DENND6B: variants seen among roughly 807,000 people sequenced by gnomAD.
The protein encoded by DENND6B is protein DENND6B.
In DENND6B, 73 loss-of-function variants were observed where a neutral mutation model predicts 85.1. The ratio of observed to expected loss-of-function variants is 0.86; its 90% confidence interval spans 0.71 to 1.04. The LOEUF is 1.04. Ranked by LOEUF, DENND6B falls within the 50% of genes least tolerant of loss-of-function variation. The pLI, the probability that DENND6B is intolerant of heterozygous loss-of-function variation, is 0.00. For synonymous variants in DENND6B, 357 were observed against 329.3 expected (o/e 1.08, Z -0.91); for missense variants, 715 against 785.8 (o/e 0.91, Z 1.08).
intron 1 of DENND6B, among the ~76,000 whole-genome samples, chr22:50,323,721 C>CTTTTTTTTTTTTTT (rs146060526): frequency 9.6e-6 from 1 of 104,630 alleles, no homozygotes; most frequent in East Asian, 2.8e-4. Flanking sequence ...CACGCCTAGC[C>CTTTTTTTTTTTTTT]TTTTTTTTTT....
chr22:50,313,938 AG>A (rs1467773000), intron 13 of DENND6B, 60 bp from the exon 14 acceptor site: 17 of 1,525,880 alleles, frequency 1.1e-5, no homozygotes, highest in Non-Finnish European at 1.4e-5. Context: ...ACACTCCTGC[AG>A]CCCCACAGAG....
intron 13 of DENND6B, 34 bp from the exon 14 acceptor site, chr22:50,313,912 C>G (rs1308310129): frequency 1.3e-6 from 2 of 1,580,288 alleles, no homozygotes; most frequent in African/African-American, 1.3e-5. Flanking sequence ...CCCCACCCTT[C>G]AAGGGCCTCC....
At chr22:50,323,158 C>T (rs1324432143) in intron 1 of DENND6B, among the ~76,000 whole-genome samples, 2 of 149,986 alleles carry the variant, frequency 1.3e-5, no homozygotes, top group African/African-American at 2.5e-5. Context: ...TGAGCCACCA[C>T]GCCCGGCTTG....
chr22:50,316,729 A>ACGC, intron 5 of DENND6B: 3 of 1,421,278 alleles, frequency 2.1e-6, no homozygotes, highest in Non-Finnish European at 2.8e-6. Context: ...AGGGAAACGC[A>ACGC]CGGTGGCCAG....
intron 1 of DENND6B, chr22:50,319,588 CA>C: frequency 2.2e-6 from 2 of 914,884 alleles, no homozygotes; most frequent in Non-Finnish European, 2.6e-6. Flanking sequence ...TCTCCCTCAC[CA>C]CCCGCCAAGC....
In DENND6B at chr22:50,313,619, C is replaced by A; in HGVS notation, c.1293+16G>T. On this transcript the variant is annotated intron_variant, in intron 15 of 19. Coordinates refer to ENST00000413817, the MANE Select transcript of DENND6B (RefSeq NM_001001794.4). ...CCGTGCCCCCCAGTCCCATGTCCCC[C>A]AGCCCCGGGCCTCACCAGGGGGATG... 2 of 1,554,520 alleles carry A rather than the reference C, an allele frequency of 1.3e-6. No homozygotes were observed. Among genetic ancestry groups the A allele is most frequent in the Non-Finnish European group, 1.7e-6 (2 of 1,152,498 alleles).
chr22:50,313,859 C>A lies in DENND6B; in HGVS notation c.1158G>T (p.Thr386=). The change falls in exon 14 of 20, where the codon ACG becomes ACT. Residue 386 remains threonine, a synonymous_variant. Coordinates refer to ENST00000413817, the MANE Select transcript of DENND6B (RefSeq NM_001001794.4). The part of the protein sequence containing the change: ...DTKPGLYTAY[T]AHLHRDKALL... ...GCGCCTTGTCGCGGTGGAGGTGGGCCGTGTAAGCGGTGTAGAGGCCTGGCG... is the reference window on the plus strand; with the variant it reads ...GCGCCTTGTCGCGGTGGAGGTGGGCAGTGTAAGCGGTGTAGAGGCCTGGCG... 1 of 1,611,326 alleles carries A rather than the reference C, an allele frequency of 6.2e-7. No individual in the cohort carries two copies. The highest frequency in any genetic ancestry group is 8.5e-7 in the Non-Finnish European group (1 of 1,179,584).
rs2068126495 is a variant in DENND6B at position 50,313,620 on chromosome 22, A to C, written c.1293+15T>G. The stretch of plus-strand genomic sequence containing the variant: ...CGTGCCCCCCAGTCCCATGTCCCCC[A>C]GCCCCGGGCCTCACCAGGGGGATGA... On this transcript the variant is annotated intron_variant, in intron 15 of 19. Transcript: ENST00000413817. The C allele has an allele frequency of 8.1e-7, 1 of 1,237,276 alleles. No individual in the cohort carries two copies. 76.6% of individuals were successfully genotyped at this position (1,237,276 alleles called of 1,614,324 possible).
At chr22:50,313,949 G>A in intron 13 of DENND6B, 71 bp from the exon 14 acceptor site, 1 of 1,501,790 alleles carries the variant, frequency 6.7e-7, no homozygotes, top group Non-Finnish European at 8.9e-7. Flanking sequence ...GCCCCACAGA[G>A]GAGCCAGGGT....
rs1030237181 is a variant in DENND6B at position 50,311,320 on chromosome 22, G to A, written c.*819C>T. ...CTTACCAAGGAAAGGGAGACATGCA[G>A]GCTCCAGCCAGAGGCAGGGTCAGGC... On this transcript the variant is annotated 3_prime_UTR_variant, in exon 20 of 20. Transcript: ENST00000413817. 1.3e-5 allele frequency: 2 copies of A among 152,328 alleles called. No homozygotes were observed. The highest frequency in any genetic ancestry group is 4.8e-5 in the African/African-American group (2 of 41,450). The allele number at this position is 152,328 out of a possible 1,614,324, so 9.4% of individuals were successfully genotyped here.
intron 1 of DENND6B, chr22:50,319,277 T>C (rs769816672): frequency 3.5e-4 from 343 of 985,244 alleles, no homozygotes; most frequent in Non-Finnish European, 4.0e-4. Context: ...GACCCGCTCC[T>C]ATCTCTGACC....
rs1442861170 is a variant in DENND6B, at chr22:50,317,129, A to G, written c.453+164T>C. On this transcript the variant is annotated intron_variant, in intron 5 of 19. Coordinates refer to ENST00000413817, the MANE Select transcript of DENND6B (RefSeq NM_001001794.4). ...GGACAGGGTGGGGGGCGGCGAGGAC[A>G]GGGTGGGGGGGCGGCAAGGAGAGCT... 3.9e-5 allele frequency: 17 copies of G among 439,810 alleles called. No individual in the cohort carries two copies. The Admixed American group carries it at 6.2e-4, about 16-fold the overall frequency. 27.2% of individuals were successfully genotyped at this position (439,810 alleles called of 1,614,324 possible). A position where few individuals can be genotyped will look rare whatever the true frequency, so the allele number is the denominator to read the frequency against.
intron 1 of DENND6B, among the ~76,000 whole-genome samples, chr22:50,323,801 T>C (rs1445934912): frequency 6.7e-6 from 1 of 149,110 alleles, no homozygotes; most frequent in African/African-American, 2.5e-5. Context: ...GTGGTGATCA[T>C]GGCTCACTAC....
intron 12 of DENND6B, 54 bp downstream of exon 12, chr22:50,314,346 C>T (rs2041708617): frequency 1.6e-5 from 25 of 1,579,442 alleles, no homozygotes; most frequent in South Asian, 1.3e-4. Context: ...GAGGCGGCCC[C>T]ACACTCAACG....
intron 17 of DENND6B, 116 bp from the exon 18 acceptor site, chr22:50,312,741 A>T: frequency 3.0e-6 from 1 of 333,366 alleles, no homozygotes; most frequent in Non-Finnish European, 5.2e-6. Flanking sequence ...GACCCTGGGG[A>T]TTGACAGGCG....
chr22:50,317,140 G>T, intron 5 of DENND6B, 153 bp downstream of exon 5: 2 of 700,642 alleles, frequency 2.9e-6, no homozygotes, highest in Non-Finnish European at 4.7e-6. Context: ...GGGTGGGGGG[G>T]CGGCAAGGAG....
At position 50,326,958 on chromosome 22, in the gene DENND6B, G is replaced by A. The variant is rs1380314674; in HGVS notation, c.31C>T (p.Arg11Trp). Residue 11 changes from arginine (R) to tryptophan (W), a missense_variant, in exon 1 of 20, where the codon CGG becomes TGG. Coordinates refer to ENST00000413817, the MANE Select transcript of DENND6B (RefSeq NM_001001794.4). ...GCCGCGCCCAGGCAGCCGCGAGCCC[G>A]GCGAGGCCCTGTGCCCAACAGCGCG... Reference protein sequence around the residue: MDALLGTGPRRARGCLGAAGP... With the variant: MDALLGTGPRWARGCLGAAGP... The A allele has an allele frequency of 3.9e-6, 5 of 1,268,050 alleles. No individual in the cohort carries two copies. The highest frequency in any genetic ancestry group is 5.4e-5 in the South Asian group (2 of 37,244). 78.5% of individuals were successfully genotyped at this position (1,268,050 alleles called of 1,614,324 possible). A position where few individuals can be genotyped will look rare whatever the true frequency, so the allele number is the denominator to read the frequency against.
intron 1 of DENND6B, among the ~76,000 whole-genome samples, chr22:50,322,219 C>T (rs937202168): frequency 2.4e-4 from 37 of 151,806 alleles, no homozygotes; most frequent in African/African-American, 8.5e-4. Context: ...GGACTACAGG[C>T]GCCCGCCACC....
rs754349882 is a variant in DENND6B at position 50,314,618 on chromosome 22, G to C, written c.964C>G (p.Arg322Gly). 7.0e-6 allele frequency: 11 copies of C among 1,563,690 alleles called. No homozygotes were observed. The highest frequency in any genetic ancestry group is 1.4e-5 in the African/African-American group (1 of 73,598). ...HDSEFKEFTT[R>G]TQAPPNVVLG... ...GGCGGCACTTACGGGGCCTGCGTGC[G>C]TGTGGTGAACTCCTTGAACTCGCTG... Residue 322 changes from arginine to glycine, a missense_variant, in exon 11 of 20, where the codon CGC becomes GGC. Transcript: ENST00000413817.
Sources: gnomAD v4.1 joint callset for allele counts (sites outside exome capture counted in the v4.1 genomes callset) on GRCh38, gnomAD v4.1.1 for gene constraint, MANE v1.5 for transcripts, NCBI Gene and HGNC (gene_info 2026-07-23, HGNC 2026-07-21) for gene names.